Variants in ERC1 observed in about 807,000 individuals in gnomAD.
ERC1 encodes RAB6 interacting protein 2.
Under a neutral mutation model 132.0 loss-of-function variants are expected in ERC1, and 56 were observed. The ratio of observed to expected loss-of-function variants is 0.42; its 90% confidence interval spans 0.34 to 0.53. The LOEUF is 0.53. Ranked by LOEUF, ERC1 falls within the 20% of genes least tolerant of loss-of-function variation. The pLI, the probability that ERC1 is intolerant of heterozygous loss-of-function variation, is 0.03. For synonymous variants in ERC1, 478 were observed against 476.1 expected (o/e 1.00, Z -0.05); for missense variants, 1,202 against 1,349.9 (o/e 0.89, Z 1.72).
intron 1 of ERC1, among the ~76,000 whole-genome samples, chr12:999,264 T>TCTGTGTGAAG (rs2154130446): frequency 6.6e-6 from 1 of 152,318 alleles, no homozygotes; most frequent in South Asian, 2.1e-4. Context: ...GTGCTGAGTA[T>TCTGTGTGAAG]TCATTTTTAT....
chr12:1,450,114 G>A (rs2093392798), intron 18 of ERC1, among the ~76,000 whole-genome samples: 1 of 152,086 alleles, frequency 6.6e-6, no homozygotes. Flanking sequence ...AAAAGCCATA[G>A]TACATTGTTA....
intron 18 of ERC1, among the ~76,000 whole-genome samples, chr12:1,464,511 CTTTTTTT>C (rs34542821): frequency 1.3e-4 from 9 of 67,446 alleles, no homozygotes; most frequent in Non-Finnish European, 8.1e-5. Flanking sequence ...ATGCAAAAGC[CTTTTTTT>C]TTTTTTTTTT....
intron 16 of ERC1, among the ~76,000 whole-genome samples, chr12:1,395,675 G>A (rs2090475407): frequency 6.6e-6 from 1 of 151,956 alleles, no homozygotes; most frequent in South Asian, 2.1e-4. Flanking sequence ...TATGTGTCTG[G>A]GTTATAGAAG....
chr12:1,066,115 C>T (rs1267994225), intron 2 of ERC1, among the ~76,000 whole-genome samples: 2 of 152,126 alleles, frequency 1.3e-5, no homozygotes, highest in African/African-American at 4.8e-5. Context: ...ACACTGTGAA[C>T]GTACTAAATG....
chr12:1,401,787 G>A (rs757463056), intron 16 of ERC1, among the ~76,000 whole-genome samples: 11 of 151,010 alleles, frequency 7.3e-5, no homozygotes, highest in African/African-American at 1.2e-4. Flanking sequence ...AAAAGTACAC[G>A]TAGATTTACC....
chr12:1,042,455 C>T lies in ERC1; in HGVS notation c.669+13883C>T, dbSNP rs1423511047. Among the ~76,000 whole-genome samples, 3 of 149,194 alleles carry T rather than the reference C, an allele frequency of 2.0e-5. No homozygotes were observed. The South Asian group carries it at 6.4e-4, about 32-fold the overall frequency. ...CCACCTCCCGGGTTCAACCGGTTCTCTTGCTTCAGCCTCCAGAGTAGCTGG... is the reference window on the plus strand; with the variant it reads ...CCACCTCCCGGGTTCAACCGGTTCTTTTGCTTCAGCCTCCAGAGTAGCTGG... On this transcript the variant is annotated intron_variant, in intron 2 of 18. Transcript: ENST00000360905.
intron 3 of ERC1, among the ~76,000 whole-genome samples, chr12:1,104,544 A>G (rs1379943748): frequency 6.6e-6 from 1 of 152,206 alleles, no homozygotes; most frequent in East Asian, 1.9e-4. Context: ...GTTCAGAGAT[A>G]GGGATCCTCC....
At chr12:1,199,862 A>T (rs765045737) in intron 12 of ERC1, among the ~76,000 whole-genome samples, 13 of 152,106 alleles carry the variant, frequency 8.5e-5, no homozygotes, top group Non-Finnish European at 1.8e-4. Context: ...ACCCTTGATT[A>T]AAAACAAAAA....
chr12:1,341,055 A>T (rs1374364349), intron 15 of ERC1, among the ~76,000 whole-genome samples: 1 of 80,200 alleles, frequency 1.2e-5, no homozygotes, highest in Non-Finnish European at 2.6e-5. Context: ...ATGTCCACTT[A>T]TTCTTTTCTT....
intron 15 of ERC1, among the ~76,000 whole-genome samples, chr12:1,361,498 A>G (rs1408863695): frequency 1.3e-5 from 2 of 152,202 alleles, no homozygotes; most frequent in African/African-American, 4.8e-5. Context: ...GATTTGATTA[A>G]ATGAGTTTTG....
At chr12:1,071,866 C>G (rs545460684) in intron 2 of ERC1, among the ~76,000 whole-genome samples, 1 of 151,998 alleles carries the variant, frequency 6.6e-6, no homozygotes, top group Non-Finnish European at 1.5e-5. Context: ...TTTGGGAGGC[C>G]GAGGCTGGCA....
chr12:1,056,436 GGGTCCTGGAGAGGCT>G, intron 2 of ERC1, among the ~76,000 whole-genome samples: 1 of 152,204 alleles, frequency 6.6e-6, no homozygotes, highest in South Asian at 2.1e-4. Flanking sequence ...CGACAGAGAT[GGGTCCTGGAGAGGCT>G]GGTCCTGGTT....
chr12:1,274,703 G>C (rs899614225), intron 14 of ERC1, among the ~76,000 whole-genome samples: 5 of 152,006 alleles, frequency 3.3e-5, no homozygotes, highest in African/African-American at 1.2e-4. Context: ...ATGTTTTTCA[G>C]GCTGGTCTCG....
rs543073154 is a variant in ERC1 at position 1,140,289 on chromosome 12, G to A, written c.1570-1331G>A. 1.2e-4 allele frequency among the ~76,000 whole-genome samples: 19 copies of A among 152,140 alleles called. No individual in the cohort carries two copies. The South Asian group carries it at 3.7e-3, about 30-fold the overall frequency. ...ACTTAACTGAGCAGGAAGTACCACC[G>A]CACACACAGTATTGCTTCTCAGATA... On this transcript the variant is annotated intron_variant, in intron 7 of 18. Transcript: ENST00000360905.
chr12:1,291,621 T>C (rs1038830977), intron 15 of ERC1, among the ~76,000 whole-genome samples: 8 of 152,184 alleles, frequency 5.3e-5, no homozygotes, highest in African/African-American at 1.9e-4. Flanking sequence ...GAAAAGGTAG[T>C]TGGCCCATTT....
chr12:1,332,194 T>C (rs2082915880), intron 15 of ERC1, among the ~76,000 whole-genome samples: 1 of 152,344 alleles, frequency 6.6e-6, no homozygotes, highest in East Asian at 1.9e-4. Flanking sequence ...GACTTTATCT[T>C]ACAGTACTTT....
chr12:1,079,666 G>C (rs1468904457), intron 2 of ERC1, among the ~76,000 whole-genome samples: 1 of 109,260 alleles, frequency 9.2e-6, no homozygotes, highest in African/African-American at 3.2e-5. Flanking sequence ...GACAAAAGTC[G>C]ATATACAGAG....
At chr12:1,180,788 G>A in intron 9 of ERC1, 111 bp downstream of exon 9, 2 of 1,302,280 alleles carry the variant, frequency 1.5e-6, no homozygotes, top group Non-Finnish European at 2.2e-6. Context: ...AAGAGCTGCT[G>A]TGTGCTATTG....
intron 15 of ERC1, among the ~76,000 whole-genome samples, chr12:1,311,406 G>C (rs528933622): frequency 6.6e-6 from 1 of 152,302 alleles, no homozygotes; most frequent in Admixed American, 6.5e-5. Flanking sequence ...AGAGGTATGA[G>C]ATCAGCCTTA....
Sources: allele counts gnomAD v4.1 joint callset (sites outside exome capture counted in the v4.1 genomes callset), GRCh38; gene constraint gnomAD v4.1.1; transcripts MANE v1.5; gene names NCBI Gene and HGNC (gene_info 2026-07-23, HGNC 2026-07-21).